The following RUNX1 variants were observed in gnomAD, a reference collection of about 807,000 sequenced individuals.
RUNX1 encodes runt-related transcription factor 1.
RUNX1 carries 19 observed loss-of-function variants against 42.8 expected under a neutral mutation model. The observed-to-expected ratio is 0.44, with a 90% confidence interval of 0.31 to 0.65. The LOEUF is 0.65. RUNX1 is among the 30% of genes least tolerant of loss of function. The pLI is 0.07. For synonymous variants in RUNX1, 271 were observed against 289.4 expected (o/e 0.94, Z 0.64); for missense variants, 528 against 672.0 (o/e 0.79, Z 2.37).
chr21:34,872,402 T>C (rs1039795978), intron 5 of RUNX1, among the ~76,000 whole-genome samples: 2 of 152,216 alleles, frequency 1.3e-5, no homozygotes, highest in African/African-American at 2.4e-5. Context: ...CTCCAGCCAC[T>C]GCACATCCCT....
intron 6 of RUNX1, among the ~76,000 whole-genome samples, chr21:34,853,635 C>T (rs1417977368): frequency 6.6e-6 from 1 of 152,134 alleles, no homozygotes; most frequent in South Asian, 2.1e-4. Flanking sequence ...GCACTGTGAA[C>T]AGTGTTGGGC....
At position 34,832,455 on chromosome 21, in the gene RUNX1, T is replaced by G. The variant is rs183714297; in HGVS notation, c.805+1955A>C. On this transcript the variant is annotated intron_variant, in intron 7 of 8. Transcript: ENST00000675419. ...GCCTTTAAAAATGCTTAAGACTTTT[T>G]GTTCCCATATCAGCAGAAAAAGGCA... Among the ~76,000 whole-genome samples, 16 of 152,342 alleles carry G rather than the reference T, an allele frequency of 1.1e-4. No individual in the cohort carries two copies. The East Asian group carries it at 2.3e-3, about 22-fold the overall frequency.
chr21:34,939,683 C>T (rs959612748), intron 2 of RUNX1, among the ~76,000 whole-genome samples: 2 of 152,142 alleles, frequency 1.3e-5, no homozygotes, highest in Non-Finnish European at 1.5e-5. Context: ...AAAACCTTTC[C>T]ATCCAGGGAG....
At chr21:34,797,954 A>G (rs2056553398) in intron 8 of RUNX1, 1 of 453,284 alleles carries the variant, frequency 2.2e-6, no homozygotes, top group Non-Finnish European at 4.5e-6. Flanking sequence ...TCCGATGCTC[A>G]GGACAGACCC....
intron 6 of RUNX1, among the ~76,000 whole-genome samples, chr21:34,849,924 TTATTA>T (rs2057393501): frequency 6.6e-6 from 1 of 151,220 alleles, no homozygotes. Flanking sequence ...ATTATTATTA[TTATTA>T]TTACTATTAT....
chr21:34,917,096 CT>C (rs1246603930), intron 2 of RUNX1, among the ~76,000 whole-genome samples: 5 of 152,162 alleles, frequency 3.3e-5, no homozygotes, highest in Non-Finnish European at 7.4e-5. Flanking sequence ...GGTTTGGAGA[CT>C]TCTTTCCCAT....
At chr21:34,998,212 A>G (rs2059011369) in intron 2 of RUNX1, among the ~76,000 whole-genome samples, 1 of 152,138 alleles carries the variant, frequency 6.6e-6, no homozygotes, top group African/African-American at 2.4e-5. Flanking sequence ...GGAAGCAAGA[A>G]GGGCTGGGAG....
intron 6 of RUNX1, among the ~76,000 whole-genome samples, chr21:34,855,303 A>T (rs563040290): frequency 9.2e-5 from 14 of 152,298 alleles, no homozygotes; most frequent in African/African-American, 3.4e-4. Flanking sequence ...TCTGTAGAGA[A>T]GATGCTTTGG....
chr21:35,033,605 A>G (rs2146979062), intron 2 of RUNX1, among the ~76,000 whole-genome samples: 1 of 152,346 alleles, frequency 6.6e-6, no homozygotes, highest in South Asian at 2.1e-4. Context: ...GACTACTACC[A>G]GAAATTTCGG....
chr21:34,838,387 T>C (rs886196639), intron 6 of RUNX1, among the ~76,000 whole-genome samples: 2 of 152,204 alleles, frequency 1.3e-5, no homozygotes, highest in African/African-American at 4.8e-5. Flanking sequence ...GTTTTCTTGA[T>C]AGATTCTTAG....
intron 2 of RUNX1, among the ~76,000 whole-genome samples, chr21:34,992,303 G>A (rs1489057981): frequency 6.6e-6 from 1 of 152,210 alleles, no homozygotes; most frequent in South Asian, 2.1e-4. Context: ...AGGCCAGCAT[G>A]TTCCTCTCCC....
At position 34,789,590 on chromosome 21, in the gene RUNX1, ACACACACACACACG is replaced by A. The variant is rs1431647232; in HGVS notation, c.*2531_*2544del. On this transcript the variant is annotated 3_prime_UTR_variant, in exon 9 of 9. Transcript: ENST00000675419. ...AGTCAATGAATGCAATTTTTCACAC[ACACACACACACACG>A]CACACACACACACATACAAAAATGT... is the stretch of plus-strand genomic sequence containing the variant. 4 of 233,168 alleles carry A rather than the reference ACACACACACACACG, an allele frequency of 1.7e-5. No individual in the cohort carries two copies. Among genetic ancestry groups the A allele is most frequent in the Admixed American group, 5.6e-5 (1 of 17,758 alleles). 14.4% of individuals were successfully genotyped at this position (233,168 alleles called of 1,614,324 possible). A position where few individuals can be genotyped will look rare whatever the true frequency, so the allele number is the denominator to read the frequency against.
chr21:34,945,569 T>C (rs540568231), intron 2 of RUNX1, among the ~76,000 whole-genome samples: 2 of 152,328 alleles, frequency 1.3e-5, no homozygotes, highest in African/African-American at 4.8e-5. Flanking sequence ...GTACCACCAG[T>C]TGATTCAATT....
chr21:34,943,842 C>T (rs1292194708), intron 2 of RUNX1, among the ~76,000 whole-genome samples: 1 of 152,152 alleles, frequency 6.6e-6, no homozygotes, highest in Non-Finnish European at 1.5e-5. Flanking sequence ...TTATGCTCGC[C>T]TGACAGAGAT....
intron 2 of RUNX1, among the ~76,000 whole-genome samples, chr21:35,019,993 A>G (rs1485028633): frequency 1.3e-5 from 2 of 152,294 alleles, no homozygotes; most frequent in East Asian, 3.9e-4. Context: ...GGCTGTTTAC[A>G]TAGTCTTAGG....
intron 2 of RUNX1, among the ~76,000 whole-genome samples, chr21:34,928,955 T>G (rs1260341603): frequency 2.4e-5 from 2 of 84,062 alleles, no homozygotes; most frequent in African/African-American, 7.5e-5. Flanking sequence ...TTCTACAGAT[T>G]TTTTTTGGGG....
chr21:34,928,820 T>G (rs1335288782), intron 2 of RUNX1, among the ~76,000 whole-genome samples: 3 of 152,156 alleles, frequency 2.0e-5, no homozygotes, highest in Non-Finnish European at 4.4e-5. Context: ...GTGGTCAGTG[T>G]CCATGGTTAT....
chr21:34,946,322 T>C (rs1470814398), intron 2 of RUNX1, among the ~76,000 whole-genome samples: 1 of 152,182 alleles, frequency 6.6e-6, no homozygotes, highest in African/African-American at 2.4e-5. Context: ...TTCTCAAGCA[T>C]GTAGCCATGG....
intron 2 of RUNX1, among the ~76,000 whole-genome samples, chr21:35,039,644 T>C (rs1023196663): frequency 2.0e-5 from 3 of 152,186 alleles, no homozygotes; most frequent in Non-Finnish European, 2.9e-5. Flanking sequence ...TACAATTATT[T>C]CTTTGTTTTG....
Sources: gnomAD v4.1 joint callset for allele counts (sites outside exome capture counted in the v4.1 genomes callset) on GRCh38, gnomAD v4.1.1 for gene constraint, MANE v1.5 for transcripts, NCBI Gene and HGNC (gene_info 2026-07-23, HGNC 2026-07-21) for gene names.